The following JAK1 variants were observed in gnomAD, a reference collection of about 807,000 sequenced individuals.
JAK1 encodes the protein Janus kinase 1, also known as tyrosine-protein kinase JAK1.
Under a neutral mutation model 136.6 loss-of-function variants are expected in JAK1, and 16 were observed. That is an observed-to-expected ratio of 0.12 (90% CI 0.08 to 0.18). The LOEUF is 0.18. JAK1 is among the 10% of genes least tolerant of loss of function. The pLI is 1.00. For missense variants in JAK1, 859 were observed against 1,450.1 expected, an observed-to-expected ratio of 0.59 and a Z score of 6.62; for synonymous variants, 492 against 519.5, an observed-to-expected ratio of 0.95 and a Z score of 0.72.
chr1:64,932,022 A>G (rs190610023), intron 1 of JAK1, among the ~76,000 whole-genome samples: 1 of 152,302 alleles, frequency 6.6e-6, no homozygotes, highest in East Asian at 1.9e-4. Context: ...CCTACACTTT[A>G]GACTACTTAC....
chr1:65,011,297 G>A (rs555135910), intron 2 of JAK1, among the ~76,000 whole-genome samples: 8 of 152,096 alleles, frequency 5.3e-5, no homozygotes, highest in Middle Eastern at 3.4e-3. Context: ...GCAACATCAT[G>A]AGACTTCATC....
chr1:64,902,583 A>AGAGAGAAT, intron 1 of JAK1, among the ~76,000 whole-genome samples: 1 of 73,792 alleles, frequency 1.4e-5, no homozygotes, highest in South Asian at 6.4e-4. Context: ...AGAGAGAGAG[A>AGAGAGAAT]GTGTGTGTGT....
intron 1 of JAK1, among the ~76,000 whole-genome samples, chr1:64,937,552 G>A (rs1475845500): frequency 6.6e-6 from 1 of 152,036 alleles, no homozygotes; most frequent in Non-Finnish European, 1.5e-5. Flanking sequence ...TACAACACAG[G>A]CCCTCTGTTA....
intron 1 of JAK1, among the ~76,000 whole-genome samples, chr1:64,917,502 A>T (rs148977665): frequency 6.6e-6 from 1 of 152,330 alleles, no homozygotes; most frequent in Non-Finnish European, 1.5e-5. Context: ...TCAGAGGATG[A>T]CCAATCCCCA....
Position 64,926,879 on chromosome 1 carries a change from G to A in JAK1, c.-78+39454C>T, listed in dbSNP as rs376706406. On this transcript the variant is annotated intron_variant, in intron 1 of 24. Transcript: ENST00000342505. The stretch of plus-strand genomic sequence containing the variant: ...AAACAATGATCGTAACACATGCTCC[G>A]TAGTATTTTGGTCAGCATTAGAAGA... 6.6e-5 allele frequency among the ~76,000 whole-genome samples: 10 copies of A among 152,134 alleles called. No individual in the cohort carries two copies. In the East Asian group the frequency reaches 7.7e-4, roughly 12 times the overall value.
At chr1:65,058,492 A>G (rs746487797) in intron 1 of JAK1, 4 of 533,210 alleles carry the variant, frequency 7.5e-6, no homozygotes, top group East Asian at 5.5e-5. Context: ...CAGCACTGTG[A>G]TAACTGAGCC....
rs1047753604 is a variant in JAK1 at position 64,833,702 on chromosome 1, G to C, written c.*860C>G. The stretch of plus-strand genomic sequence containing the variant: ...GTGGTATTCAGACTGGTTGCATACA[G>C]CATTCAAAACCAGTGCTGGAATAGC... On this transcript the variant is annotated 3_prime_UTR_variant, in exon 25 of 25. Coordinates refer to ENST00000342505, the MANE Select transcript of JAK1 (RefSeq NM_002227.4). 4.3e-6 allele frequency: 1 copy of C among 233,018 alleles called. No individual in the cohort carries two copies. The allele number at this position is 233,018 out of a possible 1,614,324, so 14.4% of individuals were successfully genotyped here. A position where few individuals can be genotyped will look rare whatever the true frequency, so the allele number is the denominator to read the frequency against.
At chr1:64,839,418 C>A in intron 20 of JAK1, 185 bp downstream of exon 20, 1 of 421,152 alleles carries the variant, frequency 2.4e-6, no homozygotes, top group Non-Finnish European at 4.1e-6. Context: ...GGGTGGCCTC[C>A]TCAGGAGCCC....
chr1:64,986,198 C>T (rs565397109), intron 2 of JAK1: 12 of 377,936 alleles, frequency 3.2e-5, no homozygotes, highest in East Asian at 1.9e-4. Context: ...CTCTGCCTCC[C>T]GGGTTCAGGC....
rs553005321 is a variant in JAK1 at position 64,858,379 on chromosome 1, G to A, written c.1335-600C>T. Among the ~76,000 whole-genome samples the A allele has an allele frequency of 4.6e-5, 7 of 152,122 alleles. No homozygotes were observed. In the Admixed American group the frequency reaches 4.6e-4, roughly 10 times the overall value. Reference sequence around the variant, plus strand: ...TGCTGCTTGCTAAGTGCTGGTGAGAGAGGGCCGCCATGGTTCGTGTGTTTT... The same window carrying A: ...TGCTGCTTGCTAAGTGCTGGTGAGAAAGGGCCGCCATGGTTCGTGTGTTTT... On this transcript the variant is annotated intron_variant, in intron 9 of 24. Coordinates refer to ENST00000342505, the MANE Select transcript of JAK1 (RefSeq NM_002227.4).
chr1:64,997,135 C>T lies in JAK1; in HGVS notation c.-78+47345G>A, dbSNP rs577408147. Among the ~76,000 whole-genome samples, 89 of 152,226 alleles carry T rather than the reference C, an allele frequency of 5.8e-4. 1 individual carries two copies. Among genetic ancestry groups the T allele is most frequent in the African/African-American group, 2.1e-3 (87 of 41,532 alleles). ...CCCAGGCAACTAGTAAAAGTAAACA[C>T]AAATAATCTCTGAATGAAGGTAACG... On this transcript the variant is annotated intron_variant, in intron 2 of 25. Transcript: ENST00000671954.
chr1:65,014,458 G>A (rs551822816), intron 2 of JAK1, among the ~76,000 whole-genome samples: 1 of 150,720 alleles, frequency 6.6e-6, no homozygotes, highest in Non-Finnish European at 1.5e-5. Flanking sequence ...GAAAGGAAAG[G>A]AAAGAAAGGA....
intron 6 of JAK1, among the ~76,000 whole-genome samples, chr1:64,868,685 C>T (rs1304160077): frequency 6.6e-6 from 1 of 152,102 alleles, no homozygotes; most frequent in African/African-American, 2.4e-5. Flanking sequence ...CTACGAAATC[C>T]CTTCTTCAAA....
intron 2 of JAK1, among the ~76,000 whole-genome samples, chr1:65,042,231 G>C (rs1048851051): frequency 4.6e-5 from 7 of 152,134 alleles, no homozygotes; most frequent in Non-Finnish European, 1.0e-4. Context: ...AAGTATACGA[G>C]AGGATGTGCA....
intron 2 of JAK1, among the ~76,000 whole-genome samples, chr1:65,031,820 A>T (rs997528788): frequency 2.3e-4 from 35 of 152,170 alleles, no homozygotes; most frequent in Admixed American, 3.9e-4. Context: ...AAATGAGCTA[A>T]AACAATTGAT....
intron 2 of JAK1, among the ~76,000 whole-genome samples, chr1:64,982,847 C>A (rs1646561703): frequency 6.6e-6 from 1 of 151,798 alleles, no homozygotes; most frequent in African/African-American, 2.4e-5. Context: ...AGAGAAAATC[C>A]ATATGAAAAT....
chr1:64,874,089 A>G (rs1301277735), intron 4 of JAK1, among the ~76,000 whole-genome samples: 2 of 152,182 alleles, frequency 1.3e-5, no homozygotes, highest in Non-Finnish European at 2.9e-5. Flanking sequence ...ACGAGTTAAC[A>G]AGCACTTTAT....
intron 1 of JAK1, among the ~76,000 whole-genome samples, chr1:64,890,594 T>C (rs546024940): frequency 6.6e-6 from 1 of 152,284 alleles, no homozygotes; most frequent in East Asian, 1.9e-4. Context: ...GCCTGGGCAA[T>C]ATGGCAAGAT....
intron 1 of JAK1, among the ~76,000 whole-genome samples, chr1:64,936,657 AC>A (rs978777762): frequency 1.3e-5 from 2 of 152,182 alleles, no homozygotes; most frequent in African/African-American, 4.8e-5. Context: ...GCCCAGCTCC[AC>A]CACTTACTAG....
Sources: allele counts gnomAD v4.1 joint callset (sites outside exome capture counted in the v4.1 genomes callset), GRCh38; gene constraint gnomAD v4.1.1; transcripts MANE v1.5; gene names NCBI Gene and HGNC (gene_info 2026-07-23, HGNC 2026-07-21).